Variants in CLEC4D observed in about 807,000 individuals in gnomAD.
CLEC4D encodes C-type lectin domain family 4 member D.
In CLEC4D, 21 loss-of-function variants were observed where a neutral mutation model predicts 21.1. That is an observed-to-expected ratio of 1.00 (90% CI 0.71 to 1.43). The LOEUF is 1.43. CLEC4D is among the 40% of genes most tolerant of loss of function. CLEC4D has a pLI of 0.00. For synonymous variants in CLEC4D, 85 were observed against 83.1 expected, an observed-to-expected ratio of 1.02 and a Z score of -0.12; for missense variants, 289 against 260.7, an observed-to-expected ratio of 1.11 and a Z score of -0.75.
chr12:8,526,611 C>T (rs181096050), downstream of CLEC4D, among the ~76,000 whole-genome samples: 12 of 152,294 alleles, frequency 7.9e-5, no homozygotes, highest in African/African-American at 2.9e-4. Context: ...TTCTTAGCTT[C>T]TTTGCATTGG....
chr12:8,517,829 C>A (rs1466518719), intron 2 of CLEC4D, among the ~76,000 whole-genome samples: 1 of 151,986 alleles, frequency 6.6e-6, no homozygotes, highest in Non-Finnish European at 1.5e-5. Flanking sequence ...GCCTGTAGTC[C>A]CAGCTACTCG....
intron 4 of CLEC4D, 75 bp from the exon 5 acceptor site, chr12:8,520,151 A>G (rs1415067901): frequency 6.4e-7 from 1 of 1,562,790 alleles, no homozygotes; most frequent in Non-Finnish European, 8.7e-7. Context: ...TCTAGTTGAC[A>G]TATTTCCTCT....
At chr12:8,524,890 T>C (rs1214023085), downstream of CLEC4D, among the ~76,000 whole-genome samples, 1 of 152,224 alleles carries the variant, frequency 6.6e-6, no homozygotes, top group Admixed American at 6.5e-5. Context: ...GAGATTCTGG[T>C]ACATTGTATC....
downstream of CLEC4D, among the ~76,000 whole-genome samples, chr12:8,523,698 T>A (rs953969953): frequency 1.3e-5 from 2 of 152,168 alleles, no homozygotes; most frequent in African/African-American, 2.4e-5. Context: ...TTTCTTTCTC[T>A]TGACTGATTG....
rs369863039 is a variant in CLEC4D, at chr12:8,514,413, A to T, written c.28+653A>T. On this transcript the variant is annotated intron_variant, in intron 1 of 5. Transcript: ENST00000299665. ...TAATTTAGAATTTCCACTATTGATA[A>T]TATACATGTAAATATTAGATTACAG... is the stretch of plus-strand genomic sequence containing the variant. 7.9e-5 allele frequency among the ~76,000 whole-genome samples: 12 copies of T among 152,292 alleles called. No individual in the cohort carries two copies. In the East Asian group the frequency reaches 2.3e-3, roughly 29 times the overall value.
the CLEC4D span, among the ~76,000 whole-genome samples, chr12:8,529,729 A>G: frequency 1.3e-5 from 2 of 152,378 alleles, no homozygotes; most frequent in Non-Finnish European, 2.9e-5. Flanking sequence ...TATTCATACC[A>G]GTGCAAATGT....
chr12:8,516,717 C>T lies in CLEC4D; in HGVS notation c.121+1389C>T, dbSNP rs142641223. On this transcript the variant is annotated intron_variant, in intron 2 of 5. Coordinates refer to ENST00000299665, the MANE Select transcript of CLEC4D (RefSeq NM_080387.5). ...GCTATCATAGTTTACAATATTCGTA[C>T]GCTATTGCCTGCAGTTCCACTCCTA... is the stretch of plus-strand genomic sequence containing the variant. Among the ~76,000 whole-genome samples, 79 of 152,318 alleles carry T rather than the reference C, an allele frequency of 5.2e-4. No homozygotes were observed. In the East Asian group the frequency reaches 0.013, roughly 25 times the overall value.
chr12:8,525,890 G>A (rs747907324), downstream of CLEC4D, among the ~76,000 whole-genome samples: 4 of 152,188 alleles, frequency 2.6e-5, no homozygotes, highest in African/African-American at 7.2e-5. Flanking sequence ...TGGCGGTAAC[G>A]AAATCCCTCA....
chr12:8,528,860 A>G, the CLEC4D span, among the ~76,000 whole-genome samples: 1 of 151,484 alleles, frequency 6.6e-6, no homozygotes, highest in Non-Finnish European at 1.5e-5. Flanking sequence ...AAGAATATAT[A>G]CTATATATAA....
chr12:8,516,888 G>A (rs1270347039), intron 2 of CLEC4D, among the ~76,000 whole-genome samples: 1 of 152,162 alleles, frequency 6.6e-6, no homozygotes, highest in Non-Finnish European at 1.5e-5. Flanking sequence ...TTTGTTTCAG[G>A]AAGACAATAG....
At chr12:8,525,685 C>T (rs115923693), downstream of CLEC4D, among the ~76,000 whole-genome samples, 2,054 of 152,172 alleles carry the variant, frequency 0.013, 48 homozygotes, top group African/African-American at 0.046. Context: ...TGCCCATTTA[C>T]GTTTAAGGTT....
intron 4 of CLEC4D, among the ~76,000 whole-genome samples, chr12:8,519,386 C>T (rs1940428325): frequency 6.6e-6 from 1 of 152,166 alleles, no homozygotes; most frequent in Admixed American, 6.5e-5. Context: ...CTACCTTCCT[C>T]ATTCTACCCC....
chr12:8,530,164 A>G, the CLEC4D span, among the ~76,000 whole-genome samples: 2 of 152,238 alleles, frequency 1.3e-5, no homozygotes, highest in East Asian at 3.8e-4. Flanking sequence ...TTAACAAAGA[A>G]GAAATGAAAG....
intron 5 of CLEC4D, 78 bp from the exon 6 acceptor site, chr12:8,521,046 T>A: frequency 6.6e-7 from 1 of 1,504,070 alleles, no homozygotes; most frequent in Non-Finnish European, 8.9e-7. Context: ...TCCTAATATA[T>A]CTATATCTAA....
At chr12:8,519,229 C>A in intron 4 of CLEC4D, 69 bp downstream of exon 4, 1 of 1,564,026 alleles carries the variant, frequency 6.4e-7, no homozygotes, top group East Asian at 2.3e-5. Context: ...AGGAATTTCT[C>A]TGTCCTGTTA....
At chr12:8,531,351 A>G in the CLEC4D span, among the ~76,000 whole-genome samples, 1 of 152,238 alleles carries the variant, frequency 6.6e-6, no homozygotes. Flanking sequence ...TTATCAGGAA[A>G]CGGAAAGGTA....
intron 2 of CLEC4D, among the ~76,000 whole-genome samples, chr12:8,515,977 ACT>A (rs1311206186): frequency 6.6e-6 from 1 of 152,128 alleles, no homozygotes; most frequent in African/African-American, 2.4e-5. Context: ...TGTATATAAG[ACT>A]CTTTATATAA....
chr12:8,530,459 C>CAAAAAAAA, the CLEC4D span, among the ~76,000 whole-genome samples: 1 of 87,362 alleles, frequency 1.1e-5, no homozygotes, highest in Admixed American at 1.3e-4. Flanking sequence ...ATCAAGAAAG[C>CAAAAAAAA]AAAAAAAAAA....
the CLEC4D span, among the ~76,000 whole-genome samples, chr12:8,528,133 G>A: frequency 6.6e-6 from 1 of 152,120 alleles, no homozygotes; most frequent in African/African-American, 2.4e-5. Context: ...GAGAGGTGGG[G>A]CATTTAAGAA....
Sources: allele counts gnomAD v4.1 joint callset (sites outside exome capture counted in the v4.1 genomes callset), GRCh38; gene constraint gnomAD v4.1.1; transcripts MANE v1.5; gene names NCBI Gene and HGNC (gene_info 2026-07-23, HGNC 2026-07-21).